Variants in CACNA2D3 observed in about 807,000 individuals in gnomAD.
CACNA2D3 encodes the protein calcium voltage-gated channel auxiliary subunit alpha2delta 3.
Under a neutral mutation model 160.6 loss-of-function variants are expected in CACNA2D3, and 60 were observed. The ratio of observed to expected loss-of-function variants is 0.37; its 90% CI spans 0.30 to 0.46. CACNA2D3 has a LOEUF of 0.46. CACNA2D3 is among the 20% of genes least tolerant of loss of function. The pLI is 1.00. For missense variants in CACNA2D3, 1,205 were observed against 1,365.0 expected (o/e 0.88, Z 1.85); for synonymous variants, 558 against 492.9 (o/e 1.13, Z -1.75).
intron 27 of CACNA2D3, among the ~76,000 whole-genome samples, chr3:54,906,111 C>G (rs2106900621): frequency 6.6e-6 from 1 of 152,176 alleles, no homozygotes; most frequent in South Asian, 2.1e-4. Context: ...CTGCAGCAAC[C>G]TCTGAGAATG....
At chr3:54,243,317 A>C (rs1191902860) in intron 2 of CACNA2D3, among the ~76,000 whole-genome samples, 1 of 152,204 alleles carries the variant, frequency 6.6e-6, no homozygotes, top group Admixed American at 6.5e-5. Context: ...CCAAAAATGG[A>C]ATGGGTGCCC....
rs894150802 is a variant in CACNA2D3 at position 54,866,408 on chromosome 3, G to A, written c.1627-5131G>A. Among the ~76,000 whole-genome samples, 94 of 152,148 alleles carry A rather than the reference G, an allele frequency of 6.2e-4. 1 individual carries two copies. Among genetic ancestry groups the A allele is most frequent in the Admixed American group, 5.7e-3 (87 of 15,280 alleles). On this transcript the variant is annotated intron_variant, in intron 17 of 37. Coordinates refer to ENST00000474759, the MANE Select transcript of CACNA2D3 (RefSeq NM_018398.3). Reference sequence around the variant, plus strand: ...AAGGTCTTCACCAGCTGAGGACTGCGGCTGCCTGGGAGAGAAACATCTGCC... The same window carrying A: ...AAGGTCTTCACCAGCTGAGGACTGCAGCTGCCTGGGAGAGAAACATCTGCC...
At position 54,468,990 on chromosome 3, in the gene CACNA2D3, T is replaced by A. The variant is rs565507220; in HGVS notation, c.382-34502T>A. Among the ~76,000 whole-genome samples, 33 of 152,074 alleles carry A rather than the reference T, an allele frequency of 2.2e-4. No homozygotes were observed. In the South Asian group the frequency reaches 6.6e-3, roughly 31 times the overall value. ...GAGCACCTGGGGGATGGGGTGGCTG[T>A]GGGTACAGCTTCAGCAGACTTAAAT... On this transcript the variant is annotated intron_variant, in intron 4 of 37. Coordinates refer to ENST00000474759, the MANE Select transcript of CACNA2D3 (RefSeq NM_018398.3).
chr3:54,452,347 A>G (rs905604365), intron 4 of CACNA2D3, among the ~76,000 whole-genome samples: 1 of 152,204 alleles, frequency 6.6e-6, no homozygotes, highest in Non-Finnish European at 1.5e-5. Context: ...ATTGCCCCCC[A>G]TGATTCAGTT....
chr3:54,752,450 C>T, intron 11 of CACNA2D3, 149 bp from the exon 12 acceptor site: 1 of 618,270 alleles, frequency 1.6e-6, no homozygotes, highest in East Asian at 2.8e-5. Context: ...TTCTAGCTGA[C>T]TATACTTCAG....
At chr3:54,482,337 CTTAG>C (rs1700947363) in intron 4 of CACNA2D3, among the ~76,000 whole-genome samples, 1 of 152,150 alleles carries the variant, frequency 6.6e-6, no homozygotes, top group South Asian at 2.1e-4. Context: ...TTCCGTAACA[CTTAG>C]TTATTCTATC....
At chr3:54,962,194 A>G (rs988319619) in intron 27 of CACNA2D3, among the ~76,000 whole-genome samples, 1 of 152,218 alleles carries the variant, frequency 6.6e-6, no homozygotes, top group East Asian at 1.9e-4. Flanking sequence ...AGTTTCAGAG[A>G]GGACCAACAT....
intron 2 of CACNA2D3, among the ~76,000 whole-genome samples, chr3:54,281,007 A>G (rs12374178): frequency 0.094 from 14,265 of 152,108 alleles, 854 homozygotes; most frequent in Non-Finnish European, 0.13. Context: ...TATACTGTTT[A>G]TTCCTCTGTC....
intron 5 of CACNA2D3, among the ~76,000 whole-genome samples, chr3:54,522,965 C>CTTAA (rs1290781458): frequency 6.6e-6 from 1 of 151,952 alleles, no homozygotes; most frequent in Admixed American, 6.6e-5. Context: ...TACTTACTTA[C>CTTAA]TTACTTACTG....
In CACNA2D3 at chr3:54,482,814, T is replaced by C. The variant is rs115029691; in HGVS notation, c.382-20678T>C. 5.9e-3 allele frequency among the ~76,000 whole-genome samples: 900 copies of C among 152,274 alleles called. 9 individuals carry two copies. The highest frequency in any genetic ancestry group is 0.021 in the African/African-American group (873 of 41,546). On this transcript the variant is annotated intron_variant, in intron 4 of 37. Coordinates refer to ENST00000474759, the MANE Select transcript of CACNA2D3 (RefSeq NM_018398.3). The stretch of plus-strand genomic sequence containing the variant: ...CATGTCATTTGGAAAATGTAGCTTC[T>C]GGAATTACTACAAGGGGAAGAGAGA...
At chr3:54,792,795 G>C (rs1702788357) in intron 13 of CACNA2D3, among the ~76,000 whole-genome samples, 2 of 152,100 alleles carry the variant, frequency 1.3e-5, no homozygotes, top group African/African-American at 2.4e-5. Flanking sequence ...GGAGAGTTCT[G>C]ATTGGCCAGG....
chr3:54,903,752 G>C (rs1297319122), intron 27 of CACNA2D3, among the ~76,000 whole-genome samples: 3 of 152,102 alleles, frequency 2.0e-5, no homozygotes, highest in Non-Finnish European at 4.4e-5. Flanking sequence ...TAGCCATTCT[G>C]ACTGGTGTGA....
chr3:54,182,847 ACAAT>A (rs1294881571), intron 2 of CACNA2D3, among the ~76,000 whole-genome samples: 1 of 152,220 alleles, frequency 6.6e-6, no homozygotes, highest in Non-Finnish European at 1.5e-5. Context: ...TTTGAAAATA[ACAAT>A]CAGAGTCATG....
At chr3:54,696,780 C>A (rs1393953568) in intron 11 of CACNA2D3, among the ~76,000 whole-genome samples, 2 of 152,204 alleles carry the variant, frequency 1.3e-5, no homozygotes, top group African/African-American at 4.8e-5. Flanking sequence ...TAAAATGGGG[C>A]TAAGCTCATA....
In CACNA2D3 at chr3:54,503,667, G is replaced by A. The variant is rs1701326121; in HGVS notation, c.544+13G>A. 1 of 1,611,352 alleles carries A rather than the reference G, an allele frequency of 6.2e-7. No homozygotes were observed. Among genetic ancestry groups the A allele is most frequent in the African/African-American group, 1.3e-5 (1 of 74,870 alleles). On this transcript the variant is annotated intron_variant, in intron 5 of 37. Coordinates refer to ENST00000474759, the MANE Select transcript of CACNA2D3 (RefSeq NM_018398.3). ...ATGTACAACAAAGGTAAGACTCCCA[G>A]CCACTGCTCCTTTTAGAAGGTGAAG...
intron 5 of CACNA2D3, among the ~76,000 whole-genome samples, chr3:54,504,121 A>G (rs1701333767): frequency 6.6e-6 from 1 of 152,182 alleles, no homozygotes; most frequent in Admixed American, 6.5e-5. Flanking sequence ...AGTTTGTGGA[A>G]TGGCATTTAA....
intron 9 of CACNA2D3, among the ~76,000 whole-genome samples, chr3:54,586,736 C>T (rs1702769309): frequency 6.6e-6 from 1 of 152,122 alleles, no homozygotes; most frequent in Admixed American, 6.5e-5. Flanking sequence ...TCTTCTCAAG[C>T]ACCTATGGAA....
At chr3:54,909,589 C>T (rs1700514832) in intron 27 of CACNA2D3, among the ~76,000 whole-genome samples, 1 of 151,554 alleles carries the variant, frequency 6.6e-6, no homozygotes, top group Non-Finnish European at 1.5e-5. Context: ...GCTTCAAATG[C>T]AGCTCAACAC....
chr3:54,887,627 A>G (rs1373787436), intron 23 of CACNA2D3, among the ~76,000 whole-genome samples: 2 of 152,098 alleles, frequency 1.3e-5, no homozygotes, highest in African/African-American at 4.8e-5. Flanking sequence ...GTGTTCAAGG[A>G]GTACTGGCTT....
Sources: gnomAD v4.1 joint callset for allele counts (sites outside exome capture counted in the v4.1 genomes callset) on GRCh38, gnomAD v4.1.1 for gene constraint, MANE v1.5 for transcripts, NCBI Gene and HGNC (gene_info 2026-07-23, HGNC 2026-07-21) for gene names.